The following SESTD1 variants were observed in gnomAD, a reference collection of about 807,000 sequenced individuals.
SESTD1 encodes SEC14 and spectrin domain containing 1.
In SESTD1, 43 loss-of-function variants were observed where a neutral mutation model predicts 101.7. That is an observed-to-expected ratio of 0.42 (90% confidence interval 0.33 to 0.55). The LOEUF (loss-of-function observed/expected upper bound fraction) is 0.55. Ranked by LOEUF, SESTD1 falls within the 20% of genes least tolerant of loss-of-function variation. The probability of loss-of-function intolerance (pLI) is 0.07; values close to 1 mark genes in which losing one functional copy is unlikely to be tolerated. For synonymous variants in SESTD1, 283 were observed against 286.8 expected (o/e 0.99, Z 0.13); for missense variants, 647 against 815.1 (o/e 0.79, Z 2.51).
chr2:179,260,853 A>G (rs1353794099), intron 1 of SESTD1, among the ~76,000 whole-genome samples: 3 of 152,228 alleles, frequency 2.0e-5, no homozygotes, highest in Non-Finnish European at 4.4e-5. Flanking sequence ...GTCTGTATGT[A>G]TGGTAAAATA....
chr2:179,191,793 G>A lies in SESTD1; in HGVS notation c.49C>T (p.Leu17Phe). 6.2e-7 allele frequency: 1 copy of A among 1,612,154 alleles called. No homozygotes were observed. Among genetic ancestry groups the A allele is most frequent in the Non-Finnish European group, 8.5e-7 (1 of 1,178,926 alleles). ...LPILKKKLAF[L>F]SGGKDRRSGL... ...TTTTAAGAAGAAATCATACCTGAAA[G>A]GAAGGCTAGTTTTTTCTTCAGAATG... Residue 17 changes from leucine to phenylalanine, a missense_variant, in exon 2 of 18, where the codon CTT becomes TTT. Leu to Phe is a conservative substitution (Grantham distance 22, BLOSUM62 0). Coordinates refer to ENST00000428443, the MANE Select transcript of SESTD1 (RefSeq NM_178123.5).
intron 10 of SESTD1, among the ~76,000 whole-genome samples, chr2:179,125,959 C>T (rs1229811331): frequency 1.3e-5 from 2 of 152,218 alleles, no homozygotes; most frequent in Non-Finnish European, 2.9e-5. Flanking sequence ...TTGTGCATTA[C>T]AGCCTATCTC....
intron 16 of SESTD1, among the ~76,000 whole-genome samples, chr2:179,113,082 G>A (rs1214505232): frequency 1.3e-5 from 2 of 152,130 alleles, no homozygotes; most frequent in Non-Finnish European, 2.9e-5. Flanking sequence ...CAAACAAAAT[G>A]AAATACATAA....
chr2:179,115,284 G>A (rs762577317), intron 15 of SESTD1, 28 bp from the exon 16 acceptor site: 1 of 1,521,032 alleles, frequency 6.6e-7, no homozygotes, highest in African/African-American at 1.4e-5. Context: ...ACATAAAATT[G>A]TAATAAAAGA....
In SESTD1 at chr2:179,176,556, T is replaced by C; in HGVS notation, c.165-18A>G. On this transcript the variant is annotated intron_variant, in intron 3 of 17. Coordinates refer to ENST00000428443, the MANE Select transcript of SESTD1 (RefSeq NM_178123.5). ...ACTTCTCACTGAAACAAAATAAAAT[T>C]ACAAAGCATTAAAACAAGCTCCAGA... 6.3e-7 allele frequency: 1 copy of C among 1,597,576 alleles called. No homozygotes were observed. The highest frequency in any genetic ancestry group is 8.6e-7 in the Non-Finnish European group (1 of 1,168,416).
At position 179,155,647 on chromosome 2, in the gene SESTD1, T is replaced by C. The variant is rs535022904; in HGVS notation, c.370-4256A>G. Among the ~76,000 whole-genome samples, 4 of 152,246 alleles carry C rather than the reference T, an allele frequency of 2.6e-5. No homozygotes were observed. In the East Asian group the frequency reaches 7.7e-4, roughly 29 times the overall value. ...AAAACAAAACGTAAGGATGGTCTTT[T>C]TGCTCTTCAATTGCATCTTATTTAA... On this transcript the variant is annotated intron_variant, in intron 5 of 17. Transcript: ENST00000428443.
intron 2 of SESTD1, 91 bp downstream of exon 2, chr2:179,191,696 T>TA (rs367811321): frequency 3.5e-3 from 3,528 of 998,628 alleles, no homozygotes; most frequent in East Asian, 6.1e-3. Flanking sequence ...AAACTTTCAT[T>TA]AAAAAAAAAT....
At chr2:179,220,764 CTCT>C (rs893263390) in intron 1 of SESTD1, among the ~76,000 whole-genome samples, 16 of 152,200 alleles carry the variant, frequency 1.1e-4, no homozygotes, top group Admixed American at 9.2e-4. Flanking sequence ...GTTTCCTCTC[CTCT>C]TCTTCAACTC....
intron 1 of SESTD1, among the ~76,000 whole-genome samples, chr2:179,236,180 G>A (rs1173363831): frequency 1.3e-5 from 2 of 151,678 alleles, no homozygotes; most frequent in East Asian, 1.9e-4. Context: ...CTCAAATAGC[G>A]TTTATTACAA....
intron 1 of SESTD1, among the ~76,000 whole-genome samples, chr2:179,243,944 GTATATA>G (rs750528520): frequency 7.2e-6 from 1 of 139,368 alleles, no homozygotes; most frequent in Non-Finnish European, 1.5e-5. Flanking sequence ...ATATGTGTGT[GTATATA>G]TATATATATA....
chr2:179,115,874 T>C (rs1026006156), intron 15 of SESTD1, among the ~76,000 whole-genome samples: 1 of 152,062 alleles, frequency 6.6e-6, no homozygotes, highest in Non-Finnish European at 1.5e-5. Flanking sequence ...GAATGTCTGC[T>C]TATGAATTAA....
chr2:179,252,894 T>G (rs998211389), intron 1 of SESTD1, among the ~76,000 whole-genome samples: 7 of 152,202 alleles, frequency 4.6e-5, no homozygotes, highest in African/African-American at 1.7e-4. Context: ...TTGATACCCC[T>G]TTCTTTCTTT....
intron 2 of SESTD1, among the ~76,000 whole-genome samples, chr2:179,185,984 T>C (rs1380019219): frequency 1.4e-5 from 2 of 143,498 alleles, no homozygotes; most frequent in African/African-American, 2.5e-5. Context: ...TATAGTATAT[T>C]ATATACAATA....
intron 7 of SESTD1, among the ~76,000 whole-genome samples, chr2:179,148,788 C>T (rs988140712): frequency 5.9e-5 from 9 of 152,104 alleles, no homozygotes; most frequent in South Asian, 2.1e-4. Context: ...GGGCCGGGTG[C>T]GGTGGCTCAC....
At chr2:179,261,312 C>A (rs2105563853) in intron 1 of SESTD1, among the ~76,000 whole-genome samples, 1 of 152,156 alleles carries the variant, frequency 6.6e-6, no homozygotes, top group South Asian at 2.1e-4. Flanking sequence ...ACTAATCAAC[C>A]AGACATTCAC....
intron 1 of SESTD1, among the ~76,000 whole-genome samples, chr2:179,202,418 A>G (rs1347973704): frequency 1.5e-5 from 2 of 134,434 alleles, no homozygotes; most frequent in South Asian, 5.6e-4. Flanking sequence ...AAGTCAAAAA[A>G]TTTAAGCAAT....
rs530594878 is a variant in SESTD1 at position 179,109,914 on chromosome 2, C to G, written c.2076G>C (p.Val692=). 1 of 1,613,692 alleles carries G rather than the reference C, an allele frequency of 6.2e-7. No individual in the cohort carries two copies. The highest frequency in any genetic ancestry group is 2.2e-5 in the East Asian group (1 of 44,868). The change falls in exon 18 of 18, where the codon GTG becomes GTC. Residue 692 remains valine, a synonymous_variant. Coordinates refer to ENST00000428443, the MANE Select transcript of SESTD1 (RefSeq NM_178123.5). ...CTGGTAGCTATTAGCTCTCTGTGGT[C>G]ACCATTTCAGGATGTCTCAGCTGCT... ...KRQQLRHPEM[V]TTES is the part of the protein sequence containing the mutation.
chr2:179,262,599 A>T (rs1187915568), intron 1 of SESTD1, among the ~76,000 whole-genome samples: 3 of 152,218 alleles, frequency 2.0e-5, no homozygotes, highest in African/African-American at 7.2e-5. Context: ...GTAAAGTAAA[A>T]CTACTATAAC....
At chr2:179,239,159 G>A (rs2047112425) in intron 1 of SESTD1, among the ~76,000 whole-genome samples, 1 of 152,144 alleles carries the variant, frequency 6.6e-6, no homozygotes, top group Non-Finnish European at 1.5e-5. Context: ...AAAGTCTACA[G>A]TATCAATGGA....
Sources: allele counts gnomAD v4.1 joint callset (sites outside exome capture counted in the v4.1 genomes callset), GRCh38; gene constraint gnomAD v4.1.1; transcripts MANE v1.5; gene names NCBI Gene and HGNC (gene_info 2026-07-23, HGNC 2026-07-21).